GGACT: variants seen among roughly 807,000 people sequenced by gnomAD.
The protein encoded by GGACT is gamma-glutamylamine cyclotransferase.
For missense variants in GGACT, 241 were observed against 233.2 expected (o/e 1.03, Z -0.22); for synonymous variants, 118 against 115.3 (o/e 1.02, Z -0.15).
At chr13:100,585,056 C>A (rs531910089) in intron 1 of GGACT, among the ~76,000 whole-genome samples, 1 of 152,294 alleles carries the variant, frequency 6.6e-6, no homozygotes, top group South Asian at 2.1e-4. Flanking sequence ...CCTAATTAAG[C>A]CTCTAGATCT....
At chr13:100,575,274 C>A (rs1420978833) in intron 2 of GGACT, among the ~76,000 whole-genome samples, 1 of 152,136 alleles carries the variant, frequency 6.6e-6, no homozygotes, top group Admixed American at 6.5e-5. Flanking sequence ...ACCTGTGTAC[C>A]CAGAGACTTT....
intron 2 of GGACT, among the ~76,000 whole-genome samples, chr13:100,562,097 C>T (rs1315488573): frequency 6.6e-6 from 1 of 152,136 alleles, no homozygotes; most frequent in Admixed American, 6.5e-5. Context: ...TAAATAGGGA[C>T]AGAAACTCTT....
intron 2 of GGACT, among the ~76,000 whole-genome samples, chr13:100,558,854 G>A (rs1006337923): frequency 6.6e-6 from 1 of 152,116 alleles, no homozygotes; most frequent in African/African-American, 2.4e-5. Context: ...ATGGAGAGAG[G>A]TTGGTCAGAG....
Position 100,545,304 on chromosome 13 carries a change from C to G in GGACT, c.-10-12703G>C, listed in dbSNP as rs1014813220. 5.9e-5 allele frequency among the ~76,000 whole-genome samples: 9 copies of G among 152,266 alleles called. No individual in the cohort carries two copies. The highest frequency in any genetic ancestry group is 4.1e-4 in the South Asian group (2 of 4,836). ...GCCGCTTCACTCCCAGCTTCTCCCC[C>G]CTTTTGCAGATGGGGAAGCTGGGGC... On this transcript the variant is annotated intron_variant, in intron 2 of 2. Coordinates refer to ENST00000683975, the MANE Select transcript of GGACT (RefSeq NM_001195087.2). The surrounding 1 kb of genome is among the most constrained non-coding windows in gnomAD (Gnocchi z 4.4).
At chr13:100,561,039 C>T (rs542101474) in intron 2 of GGACT, among the ~76,000 whole-genome samples, 10 of 152,204 alleles carry the variant, frequency 6.6e-5, no homozygotes, top group African/African-American at 2.4e-4. Flanking sequence ...CCCAGGAACA[C>T]GTGCCTCTTC....
At chr13:100,556,919 G>A (rs2088713659) in intron 2 of GGACT, among the ~76,000 whole-genome samples, 1 of 152,084 alleles carries the variant, frequency 6.6e-6, no homozygotes, top group Admixed American at 6.6e-5. Context: ...TGTTGCCCAG[G>A]CTGGAGTGCA....
At chr13:100,539,283 C>G (rs1358969764) in intron 2 of GGACT, 1 of 152,316 alleles carries the variant, frequency 6.6e-6, no homozygotes, top group Non-Finnish European at 1.5e-5. Context: ...TTTCTTGTTC[C>G]TGATCTCAGA....
intron 2 of GGACT, among the ~76,000 whole-genome samples, chr13:100,551,023 G>A (rs949347918): frequency 3.3e-5 from 5 of 152,160 alleles, no homozygotes; most frequent in African/African-American, 9.7e-5. Context: ...GGTGGCTCAT[G>A]CCTGTAATTC....
chr13:100,538,470 A>T (rs557144245), intron 2 of GGACT: 3 of 152,266 alleles, frequency 2.0e-5, no homozygotes, highest in Non-Finnish European at 4.4e-5. Context: ...AAAATTTATC[A>T]TAACTATTTT....
chr13:100,530,216 G>A lies in GGACT; in HGVS notation c.*1914C>T, dbSNP rs780394721. 2.4e-5 allele frequency: 33 copies of A among 1,388,878 alleles called. No individual in the cohort carries two copies. Among genetic ancestry groups the A allele is most frequent in the Non-Finnish European group, 3.4e-5 (33 of 975,808 alleles). The allele number at this position is 1,388,878 out of a possible 1,614,324, so 86.0% of individuals were successfully genotyped here. Reference sequence around the variant, plus strand: ...ACCCAATTTAATTAGCCATTTGCATGATGCTTTCACACACAATTGATTCAA... The same window carrying A: ...ACCCAATTTAATTAGCCATTTGCATAATGCTTTCACACACAATTGATTCAA... On this transcript the variant is annotated 3_prime_UTR_variant, in exon 3 of 3. Coordinates refer to ENST00000683975, the MANE Select transcript of GGACT (RefSeq NM_001195087.2).
chr13:100,578,628 T>C (rs1046183101), intron 2 of GGACT, among the ~76,000 whole-genome samples: 9 of 152,248 alleles, frequency 5.9e-5, no homozygotes, highest in Admixed American at 2.6e-4. Context: ...TTCGTCAATG[T>C]TCCCTCCAAT....
chr13:100,558,182 CAA>C (rs35098533), intron 2 of GGACT, among the ~76,000 whole-genome samples: 91 of 113,584 alleles, frequency 8.0e-4, no homozygotes, highest in East Asian at 1.7e-3. Flanking sequence ...AACTCCATCT[CAA>C]AAAAAAAAAA....
intron 2 of GGACT, among the ~76,000 whole-genome samples, chr13:100,569,906 A>G: frequency 6.6e-6 from 1 of 152,196 alleles, no homozygotes; most frequent in East Asian, 1.9e-4. Flanking sequence ...GCGTAACAAG[A>G]GTGACTTTTG....
chr13:100,569,955 C>T (rs779704731), intron 2 of GGACT, among the ~76,000 whole-genome samples: 37 of 152,180 alleles, frequency 2.4e-4, no homozygotes, highest in Non-Finnish European at 4.1e-4. Flanking sequence ...CATCTGAGAC[C>T]ACCTCAGCCT....
chr13:100,536,385 CAA>C (rs1256736020), intron 2 of GGACT: 3 of 151,898 alleles, frequency 2.0e-5, no homozygotes, highest in Non-Finnish European at 4.4e-5. Flanking sequence ...CTTCAGCCTC[CAA>C]TGTTTTTATA....
intron 2 of GGACT, among the ~76,000 whole-genome samples, chr13:100,578,612 T>C (rs997209495): frequency 1.3e-5 from 2 of 152,248 alleles, no homozygotes; most frequent in Non-Finnish European, 2.9e-5. Context: ...TAACCATGAC[T>C]TAGACTTCGT....
chr13:100,585,939 G>A (rs1461768653), intron 1 of GGACT, among the ~76,000 whole-genome samples: 2 of 151,600 alleles, frequency 1.3e-5, no homozygotes, highest in Non-Finnish European at 2.9e-5. Flanking sequence ...AGGAGTTCGA[G>A]GTTACAGTGA....
At chr13:100,549,698 T>G (rs2088639450) in intron 2 of GGACT, among the ~76,000 whole-genome samples, 1 of 152,122 alleles carries the variant, frequency 6.6e-6, no homozygotes, top group African/African-American at 2.4e-5. Flanking sequence ...AAAACCAGTT[T>G]AAACCCTCCA....
At chr13:100,533,406 A>C (rs2088445684) in intron 2 of GGACT, 1 of 152,262 alleles carries the variant, frequency 6.6e-6, no homozygotes, top group Non-Finnish European at 1.5e-5. Context: ...ACAGTCTGTC[A>C]AACCTGTCCC....
Sources: allele counts gnomAD v4.1 joint callset (sites outside exome capture counted in the v4.1 genomes callset), GRCh38; gene constraint gnomAD v4.1.1; non-coding constraint Gnocchi (gnomAD v3.1); transcripts MANE v1.5; gene names NCBI Gene and HGNC (gene_info 2026-07-23, HGNC 2026-07-21).